RASGRP2: variants seen among roughly 807,000 people sequenced by gnomAD.
The protein encoded by RASGRP2 is RAS guanyl releasing protein 2.
A neutral mutation model predicts 71.0 loss-of-function variants in RASGRP2; 44 were observed. The ratio of observed to expected loss-of-function variants is 0.62; its 90% CI spans 0.49 to 0.80. The LOEUF (loss-of-function observed/expected upper bound fraction) is 0.80, where lower values mean the gene tolerates loss of function less well. RASGRP2 is among the 30% of genes least tolerant of loss of function. RASGRP2 has a pLI of 0.00. For synonymous variants in RASGRP2, 350 were observed against 330.7 expected, an observed-to-expected ratio of 1.06 and a Z score of -0.63; for missense variants, 663 against 813.4, an observed-to-expected ratio of 0.82 and a Z score of 2.25.
chr11:64,736,784 T>C lies in RASGRP2; in HGVS notation c.1064A>G (p.Gln355Arg). Reference sequence around the variant, plus strand: ...CAGGCTCAGCAGGTCGGGGTTGGCCTGTACTGGTGGCCGCAGGCTGGTCAC... The same window carrying C: ...CAGGCTCAGCAGGTCGGGGTTGGCCCGTACTGGTGGCCGCAGGCTGGTCAC... ...AMVTSLRPPV[Q>R]ANPDLLSLLT... Residue 355 changes from glutamine to arginine, a missense_variant, in exon 9 of 17, where the codon CAG becomes CGG. Gln to Arg is a conservative substitution (Grantham distance 43). Coordinates refer to ENST00000394432, the MANE Select transcript of RASGRP2 (RefSeq NM_001098671.2). The C allele has an allele frequency of 6.2e-7, 1 of 1,602,306 alleles. No individual in the cohort carries two copies. The highest frequency in any genetic ancestry group is 8.5e-7 in the Non-Finnish European group (1 of 1,175,242).
intron 14 of RASGRP2, 33 bp from the exon 15 acceptor site, chr11:64,729,075 ACATTGGT>A: frequency 1.3e-6 from 2 of 1,564,016 alleles, no homozygotes; most frequent in Non-Finnish European, 1.7e-6. Flanking sequence ...CCAGCCAGGG[ACATTGGT>A]CAGAATACCC....
Position 64,739,989 on chromosome 11 carries a change from G to A in RASGRP2, c.522+24C>T. The A allele has an allele frequency of 4.3e-6, 7 of 1,613,836 alleles. No homozygotes were observed. The highest frequency in any genetic ancestry group is 5.9e-6 in the Non-Finnish European group (7 of 1,179,970). The stretch of plus-strand genomic sequence containing the variant: ...CTCTTCCAGCCCACATTGGACCCCT[G>A]ACCCCCCAGCCCTCGGGCCGCACCA... On this transcript the variant is annotated intron_variant, in intron 6 of 16. Coordinates refer to ENST00000394432, the MANE Select transcript of RASGRP2 (RefSeq NM_001098671.2). This position sits in a 1 kb window ranked among gnomAD's most constrained non-coding sequence, Gnocchi z 4.2.
Position 64,739,811 on chromosome 11 carries a change from TG to T in RASGRP2, c.523-3del. ...CACGAAACTGTGATAGTCCTGAAAC[TG>T]GGGGCATGAGGAGTGGCCTCAGCAC... On this transcript the variant is annotated splice_region_variant and splice_polypyrimidine_tract_variant and intron_variant, in intron 6 of 16. Transcript: ENST00000394432. This position sits in a 1 kb window ranked among gnomAD's most constrained non-coding sequence, Gnocchi z 4.2. 3.1e-6 allele frequency: 5 copies of T among 1,613,632 alleles called. No individual in the cohort carries two copies. The highest frequency in any genetic ancestry group is 4.2e-6 in the Non-Finnish European group (5 of 1,179,860).
Position 64,728,903 on chromosome 11 carries a change from G to T in RASGRP2, c.1731C>A (p.Phe577Leu), listed in dbSNP as rs752280523. ...CTCGCCTGCCAGGGCGGGGCAGAGAGAAGCTGAAGGCGCGGTGATGGTGGC... is the reference window on the plus strand; with the variant it reads ...CTCGCCTGCCAGGGCGGGGCAGAGATAAGCTGAAGGCGCGGTGATGGTGGC... ...MHSHHHRAFS[F>L]SLPRPGRRGS... The change falls in exon 15 of 17, where the codon TTC becomes TTA. Residue 577 changes from phenylalanine (F) to leucine (L), a missense_variant. Coordinates refer to ENST00000394432, the MANE Select transcript of RASGRP2 (RefSeq NM_001098671.2). The T allele has an allele frequency of 1.2e-6, 2 of 1,613,066 alleles. No individual in the cohort carries two copies. The highest frequency in any genetic ancestry group is 4.5e-5 in the East Asian group (2 of 44,878).
chr11:64,729,774 G>C lies in RASGRP2; in HGVS notation c.1579C>G (p.Leu527Val). 6.2e-7 allele frequency: 1 copy of C among 1,614,192 alleles called. No homozygotes were observed. Among genetic ancestry groups the C allele is most frequent in the East Asian group, 2.2e-5 (1 of 44,880 alleles). ...CATTCCATCTCACCTCGGCATTTGA[G>C]GCCCTGCTTGTAGATGCCCAGGATC... The part of the protein sequence containing the change: ...ALILGIYKQG[L>V]KCRACGVNCH... The change falls in exon 14 of 17, where the codon CTC becomes GTC. Residue 527 changes from leucine to valine, a missense_variant. Coordinates refer to ENST00000394432, the MANE Select transcript of RASGRP2 (RefSeq NM_001098671.2).
At chr11:64,731,353 G>C (rs1297050234) in intron 12 of RASGRP2, among the ~76,000 whole-genome samples, 1 of 143,734 alleles carries the variant, frequency 7.0e-6, no homozygotes, top group African/African-American at 2.6e-5. Flanking sequence ...AAGACACCCT[G>C]TCTCAGAAAA....
intron 12 of RASGRP2, among the ~76,000 whole-genome samples, chr11:64,733,095 A>G (rs2057813350): frequency 6.6e-6 from 1 of 152,054 alleles, no homozygotes; most frequent in Admixed American, 6.5e-5. Flanking sequence ...ATTGCACTCC[A>G]GCCTGAGCGA....
chr11:64,727,181 G>A, intron 16 of RASGRP2, 50 bp from the exon 17 acceptor site: 1 of 858,542 alleles, frequency 1.2e-6, no homozygotes, highest in South Asian at 1.4e-5. Context: ...TAACAACAAG[G>A]TAGTAGCCCA....
rs1477694851 is a variant in RASGRP2, at chr11:64,743,934, C to T, written c.-72+69G>A. The T allele has an allele frequency of 3.0e-6, 3 of 991,972 alleles. No homozygotes were observed. Among genetic ancestry groups the T allele is most frequent in the Non-Finnish European group, 3.6e-6 (3 of 826,504 alleles). 61.4% of individuals were successfully genotyped at this position (991,972 alleles called of 1,614,324 possible). ...CCACAGGCACCGGCCTCCCATCCTC[C>T]GTCTCTCACACACAATGGCACCCAC... On this transcript the variant is annotated intron_variant, in intron 1 of 16. Transcript: ENST00000394432. This position sits in a 1 kb window ranked among gnomAD's most constrained non-coding sequence, Gnocchi z 4.9.
At chr11:64,738,493 G>A (rs955097633) in intron 8 of RASGRP2, among the ~76,000 whole-genome samples, 1 of 151,984 alleles carries the variant, frequency 6.6e-6, no homozygotes, top group Non-Finnish European at 1.5e-5. Context: ...CTGGAGTGAA[G>A]TGGCACAATC....
chr11:64,740,173 C>A lies in RASGRP2; in HGVS notation c.372-10G>T, dbSNP rs1452399963. ...CCACTTGTAGGTAGGGCTGGGGGGG[C>A]AGGGGTAGTGAGCCCTTTGCTGGAC... On this transcript the variant is annotated splice_polypyrimidine_tract_variant and intron_variant, in intron 5 of 16. Coordinates refer to ENST00000394432, the MANE Select transcript of RASGRP2 (RefSeq NM_001098671.2). 1.9e-6 allele frequency: 3 copies of A among 1,613,808 alleles called. No individual in the cohort carries two copies. In the Admixed American group the frequency reaches 5.0e-5, roughly 27 times the overall value.
chr11:64,727,502 C>T, intron 15 of RASGRP2, 142 bp from the exon 16 acceptor site: 1 of 595,070 alleles, frequency 1.7e-6, no homozygotes, highest in Non-Finnish European at 2.9e-6. Context: ...GACCTCACAG[C>T]CCAATTTTTT....
At chr11:64,729,406 G>A (rs1466683906) in intron 14 of RASGRP2, among the ~76,000 whole-genome samples, 2 of 151,094 alleles carry the variant, frequency 1.3e-5, no homozygotes, top group Non-Finnish European at 2.9e-5. Flanking sequence ...GCGTGATCTC[G>A]GCTCACTGCA....
rs1226710058 is a variant in RASGRP2 at position 64,743,561 on chromosome 11, G to A, written c.-72+442C>T. 5.8e-6 allele frequency: 2 copies of A among 346,132 alleles called. No homozygotes were observed. The highest frequency in any genetic ancestry group is 8.4e-5 in the Admixed American group (2 of 23,806). The allele number at this position is 346,132 out of a possible 1,614,324, so 21.4% of individuals were successfully genotyped here. The stretch of plus-strand genomic sequence containing the variant: ...GGGGGGAGCCCGCTGCGGCCAGGAG[G>A]CGTCAGCGGGAAGCCTGAGCCTGGG... On this transcript the variant is annotated intron_variant, in intron 1 of 16. Coordinates refer to ENST00000394432, the MANE Select transcript of RASGRP2 (RefSeq NM_001098671.2). The surrounding 1 kb of genome is among the most constrained non-coding windows in gnomAD (Gnocchi z 4.9).
chr11:64,742,166 C>A lies in RASGRP2; in HGVS notation c.74-54G>T. ...CTGAGCTGGGTCCGCAGCTACCATGCCTCATCCTCACCCCGCAACCCGCCA... is the reference window on the plus strand; with the variant it reads ...CTGAGCTGGGTCCGCAGCTACCATGACTCATCCTCACCCCGCAACCCGCCA... On this transcript the variant is annotated intron_variant, in intron 2 of 16. Transcript: ENST00000394432. This position sits in a 1 kb window ranked among gnomAD's most constrained non-coding sequence, Gnocchi z 4.7. 1 of 1,385,886 alleles carries A rather than the reference C, an allele frequency of 7.2e-7. No individual in the cohort carries two copies. Among genetic ancestry groups the A allele is most frequent in the Non-Finnish European group, 1.0e-6 (1 of 996,470 alleles). The allele number at this position is 1,385,886 out of a possible 1,614,324, so 85.8% of individuals were successfully genotyped here. A position where few individuals can be genotyped will look rare whatever the true frequency, so the allele number is the denominator to read the frequency against.
rs771647146 is a variant in RASGRP2 at position 64,730,133 on chromosome 11, C to T, written c.1474G>A (p.Gly492Arg). ...TTGTGTACGAAGCCCATGCGCCCCCCCAACACAGAGCTGGAGCGCAGGAAA... is the reference window on the plus strand; with the variant it reads ...TTGTGTACGAAGCCCATGCGCCCCCTCAACACAGAGCTGGAGCGCAGGAAA... ...SYFLRSSSVL[G>R]GRMGFVHNFQ... Residue 492 changes from glycine to arginine, a missense_variant, in exon 13 of 17, where the codon GGG becomes AGG. Physicochemically the swap from Gly to Arg is moderately radical, Grantham distance 125. Coordinates refer to ENST00000394432, the MANE Select transcript of RASGRP2 (RefSeq NM_001098671.2). 1.5e-5 allele frequency: 23 copies of T among 1,551,358 alleles called. No individual in the cohort carries two copies. The highest frequency in any genetic ancestry group is 2.0e-5 in the Admixed American group (1 of 50,988).
upstream of RASGRP2, chr11:64,744,301 C>T: frequency 4.1e-6 from 4 of 985,402 alleles, no homozygotes; most frequent in Non-Finnish European, 4.8e-6. Context: ...CCTTGCCCCA[C>T]GGAAAGGTAC....
chr11:64,727,472 CA>C, intron 15 of RASGRP2, 112 bp from the exon 16 acceptor site: 1 of 910,154 alleles, frequency 1.1e-6, no homozygotes. Flanking sequence ...ACCCACCCAC[CA>C]AAAATCAATT....
At chr11:64,744,419 G>A (rs2058240962), upstream of RASGRP2, 1 of 541,226 alleles carries the variant, frequency 1.8e-6, no homozygotes, top group Non-Finnish European at 2.4e-6. Flanking sequence ...TCCCCGCCTG[G>A]CTCTACCGCT....
Sources: allele counts gnomAD v4.1 joint callset (sites outside exome capture counted in the v4.1 genomes callset), GRCh38; gene constraint gnomAD v4.1.1; non-coding constraint Gnocchi (gnomAD v3.1); transcripts MANE v1.5; gene names NCBI Gene and HGNC (gene_info 2026-07-23, HGNC 2026-07-21).